ZNF469: variants seen among roughly 807,000 people sequenced by gnomAD.
ZNF469 encodes zinc finger protein 469.
Under a neutral mutation model 1.0 loss-of-function variants are expected in ZNF469, and 1 was observed. That is an observed-to-expected ratio of 1.00 (90% CI 0.35 to 4.73). The LOEUF (loss-of-function observed/expected upper bound fraction) is 4.73. Ranked by LOEUF, ZNF469 falls within the 30% of genes most tolerant of loss-of-function variation. The pLI, the probability that ZNF469 is intolerant of heterozygous loss-of-function variation, is 0.16. For synonymous variants in ZNF469, 2,703 were observed against 2,363.4 expected, an observed-to-expected ratio of 1.14 and a Z score of -4.17; for missense variants, 6,100 against 5,356.3, an observed-to-expected ratio of 1.14 and a Z score of -4.33.
chr16:88,132,423 C>G, the ZNF469 span, among the ~76,000 whole-genome samples: 1 of 152,204 alleles, frequency 6.6e-6, no homozygotes, highest in East Asian at 1.9e-4. Flanking sequence ...CGCCGCGTAG[C>G]CGGCGGGGCT....
chr16:88,137,300 C>T, the ZNF469 span, among the ~76,000 whole-genome samples: 6 of 152,252 alleles, frequency 3.9e-5, no homozygotes, highest in Non-Finnish European at 7.4e-5. Context: ...TACAGCTGTG[C>T]GTACATACCA....
At position 88,439,397 on chromosome 16, in the gene ZNF469, G is replaced by A; in HGVS notation, c.*65G>A. ...CTGTCTCGGCCTGCCTCCTTGGCCA[G>A]CTCCGGCTCCCTGAGATGGTCCACT... is the stretch of plus-strand genomic sequence containing the variant. On this transcript the variant is annotated 3_prime_UTR_variant, in exon 3 of 3. Coordinates refer to ENST00000565624, the MANE Select transcript of ZNF469 (RefSeq NM_001367624.2). 6.6e-7 allele frequency: 1 copy of A among 1,523,952 alleles called. No individual in the cohort carries two copies. The highest frequency in any genetic ancestry group is 8.9e-7 in the Non-Finnish European group (1 of 1,124,224). The allele number at this position is 1,523,952 out of a possible 1,614,324, so 94.4% of individuals were successfully genotyped here.
At chr16:88,207,907 G>T in the ZNF469 span, among the ~76,000 whole-genome samples, 3 of 152,108 alleles carry the variant, frequency 2.0e-5, no homozygotes, top group Non-Finnish European at 4.4e-5. Flanking sequence ...GCGGTCACAG[G>T]CTCGAGGGTG....
At chr16:88,101,850 C>A in the ZNF469 span, among the ~76,000 whole-genome samples, 1 of 152,126 alleles carries the variant, frequency 6.6e-6, no homozygotes, top group African/African-American at 2.4e-5. Flanking sequence ...CCTGAAACTC[C>A]TTTAGAAGGT....
chr16:88,259,612 C>G, the ZNF469 span, among the ~76,000 whole-genome samples: 24 of 152,166 alleles, frequency 1.6e-4, no homozygotes, highest in African/African-American at 5.3e-4. The surrounding 1 kb of genome is among the most constrained non-coding windows in gnomAD (Gnocchi z 4.1). Context: ...TCCCTATGAG[C>G]CCCAGGATCT....
At chr16:88,109,408 C>T in the ZNF469 span, among the ~76,000 whole-genome samples, 1 of 152,258 alleles carries the variant, frequency 6.6e-6, no homozygotes. Context: ...GGGACCCAGG[C>T]ATGAGGCTTC....
chr16:88,372,734 A>G, the ZNF469 span, among the ~76,000 whole-genome samples: 3 of 148,606 alleles, frequency 2.0e-5, no homozygotes, highest in Non-Finnish European at 4.4e-5. Context: ...TATCATCTTC[A>G]CCATCACCAC....
the ZNF469 span, among the ~76,000 whole-genome samples, chr16:88,113,461 G>T: frequency 6.6e-6 from 1 of 152,318 alleles, no homozygotes; most frequent in South Asian, 2.1e-4. Context: ...CATGGCTTCT[G>T]GCGCTTTGAC....
At chr16:88,168,000 C>T in the ZNF469 span, among the ~76,000 whole-genome samples, 2 of 152,230 alleles carry the variant, frequency 1.3e-5, no homozygotes, top group South Asian at 4.1e-4. Flanking sequence ...GTTTGGCGGG[C>T]GGGTCCCCCT....
Position 88,431,370 on chromosome 16 carries a change from C to T in ZNF469, c.3900C>T (p.Ser1300=), listed in dbSNP as rs1906169477. 1.3e-6 allele frequency: 2 copies of T among 1,549,942 alleles called. No homozygotes were observed. The highest frequency in any genetic ancestry group is 1.4e-5 in the African/African-American group (1 of 73,188). Reference sequence around the variant, plus strand: ...GCTCGCCAACGCCAGGTGTGGGCAGCCTGCTGGGTGGTCCTGGGGGCACAC... The same window carrying T: ...GCTCGCCAACGCCAGGTGTGGGCAGTCTGCTGGGTGGTCCTGGGGGCACAC... ...HGSSPTPGVG[S]LLGGPGGTQA... The change falls in exon 3 of 3, where the codon AGC becomes AGT. Residue 1300 remains serine, a synonymous_variant. Coordinates refer to ENST00000565624, the MANE Select transcript of ZNF469 (RefSeq NM_001367624.2).
At chr16:88,135,897 A>C in the ZNF469 span, among the ~76,000 whole-genome samples, 1 of 151,224 alleles carries the variant, frequency 6.6e-6, no homozygotes, top group Non-Finnish European at 1.5e-5. Flanking sequence ...AGTAGCTGGC[A>C]CTACAGGCGC....
rs1250571783 is a variant in ZNF469, at chr16:88,429,472, G to A, written c.2002G>A (p.Ala668Thr). The A allele has an allele frequency of 1.3e-6, 2 of 1,547,534 alleles. No individual in the cohort carries two copies. The highest frequency in any genetic ancestry group is 1.7e-6 in the Non-Finnish European group (2 of 1,145,662). Reference sequence around the variant, plus strand: ...CCACTACCAGCCAGAGCCAGCCAAGGCCTTCCCTTTTCCCGCAGATGGGCT... The same window carrying A: ...CCACTACCAGCCAGAGCCAGCCAAGACCTTCCCTTTTCCCGCAGATGGGCT... ...PTHYQPEPAK[A>T]FPFPADGLGA... Residue 668 changes from alanine to threonine, a missense_variant, in exon 3 of 3, where the codon GCC becomes ACC. Coordinates refer to ENST00000565624, the MANE Select transcript of ZNF469 (RefSeq NM_001367624.2).
the ZNF469 span, among the ~76,000 whole-genome samples, chr16:88,131,286 A>G: frequency 6.6e-6 from 1 of 152,236 alleles, no homozygotes; most frequent in African/African-American, 2.4e-5. Context: ...TGAAAAACGA[A>G]ACAAAAGAAG....
the ZNF469 span, among the ~76,000 whole-genome samples, chr16:88,238,137 G>A: frequency 6.6e-6 from 1 of 152,218 alleles, no homozygotes; most frequent in Non-Finnish European, 1.5e-5. Context: ...CTGTTTCTCT[G>A]TGCTCCGCCC....
chr16:88,122,053 C>T, the ZNF469 span, among the ~76,000 whole-genome samples: 265 of 150,368 alleles, frequency 1.8e-3, 3 homozygotes, highest in Non-Finnish European at 3.2e-3. Context: ...CCACGGCGGC[C>T]ACTCTGATCG....
chr16:88,287,267 A>G, the ZNF469 span, among the ~76,000 whole-genome samples: 5 of 152,190 alleles, frequency 3.3e-5, no homozygotes, highest in Admixed American at 3.3e-4. Context: ...TCTCCTGTCA[A>G]CGGACACAGG....
the ZNF469 span, among the ~76,000 whole-genome samples, chr16:88,265,546 C>T: frequency 2.6e-5 from 4 of 152,200 alleles, no homozygotes; most frequent in African/African-American, 7.2e-5. Context: ...GGGCCGGGTG[C>T]GTCCAGTAAA....
At chr16:88,226,312 G>A in the ZNF469 span, among the ~76,000 whole-genome samples, 2 of 152,150 alleles carry the variant, frequency 1.3e-5, no homozygotes, top group Admixed American at 1.3e-4. Context: ...AGGTGAGGTC[G>A]TTAGGGTGGG....
At chr16:88,268,941 G>C in the ZNF469 span, among the ~76,000 whole-genome samples, 1 of 152,196 alleles carries the variant, frequency 6.6e-6, no homozygotes, top group African/African-American at 2.4e-5. Flanking sequence ...CCCTGGGCCT[G>C]GGCAGTGACA....
Sources: allele counts gnomAD v4.1 joint callset (sites outside exome capture counted in the v4.1 genomes callset), GRCh38; gene constraint gnomAD v4.1.1; non-coding constraint Gnocchi (gnomAD v3.1); transcripts MANE v1.5; gene names NCBI Gene and HGNC (gene_info 2026-07-23, HGNC 2026-07-21).